Variants in HS2ST1 observed in about 807,000 individuals in gnomAD.
The protein encoded by HS2ST1 is heparan sulfate 2-O-sulfotransferase 1, also known as 2-O-sulfotransferase.
In HS2ST1, 18 loss-of-function variants were observed where a neutral mutation model predicts 42.9. The observed-to-expected ratio is 0.42, with a 90% CI of 0.29 to 0.62. The LOEUF (loss-of-function observed/expected upper bound fraction) is 0.62, where lower values mean the gene tolerates loss of function less well. Ranked by LOEUF, HS2ST1 falls within the 20% of genes least tolerant of loss-of-function variation. HS2ST1 has a pLI of 0.21. For synonymous variants in HS2ST1, 146 were observed against 152.9 expected (o/e 0.95, Z 0.33); for missense variants, 334 against 433.8 (o/e 0.77, Z 2.04).
chr1:86,944,030 A>G (rs1279556867), intron 1 of HS2ST1, among the ~76,000 whole-genome samples: 1 of 152,086 alleles, frequency 6.6e-6, no homozygotes, highest in Non-Finnish European at 1.5e-5. Context: ...GTCTCAAAAA[A>G]AAAAAATTCT....
intron 1 of HS2ST1, chr1:87,046,596 T>C: frequency 1.3e-6 from 2 of 1,576,620 alleles, no homozygotes; most frequent in Non-Finnish European, 1.7e-6. Flanking sequence ...CCAGTTCTGT[T>C]GGACTGGGCT....
intron 1 of HS2ST1, among the ~76,000 whole-genome samples, chr1:87,025,556 A>G (rs1196202737): frequency 1.3e-5 from 2 of 152,206 alleles, no homozygotes; most frequent in Admixed American, 1.3e-4. Context: ...TGTGTAGAAT[A>G]TCTCATATTT....
chr1:86,978,493 C>G (rs960830019), intron 1 of HS2ST1, among the ~76,000 whole-genome samples: 1 of 152,120 alleles, frequency 6.6e-6, no homozygotes, highest in Non-Finnish European at 1.5e-5. Context: ...GTTTTGAAAT[C>G]CTTAATAAAT....
chr1:86,989,213 G>GT (rs1339797031), intron 1 of HS2ST1, among the ~76,000 whole-genome samples: 1 of 152,206 alleles, frequency 6.6e-6, no homozygotes, highest in Non-Finnish European at 1.5e-5. Context: ...CTTAGCTATG[G>GT]TTTTTTAACT....
intron 1 of HS2ST1, among the ~76,000 whole-genome samples, chr1:86,918,443 A>G (rs895488152): frequency 2.0e-5 from 3 of 152,128 alleles, no homozygotes; most frequent in South Asian, 2.1e-4. Flanking sequence ...CTAGTAACGG[A>G]CATTCAGTTT....
At chr1:87,057,055 A>G (rs771846706) in intron 1 of HS2ST1, among the ~76,000 whole-genome samples, 7 of 152,244 alleles carry the variant, frequency 4.6e-5, no homozygotes, top group Non-Finnish European at 1.0e-4. Flanking sequence ...AGAAGCAGAT[A>G]TGAAAATCCA....
intron 1 of HS2ST1, among the ~76,000 whole-genome samples, chr1:86,990,373 C>T (rs922158406): frequency 2.0e-5 from 3 of 152,126 alleles, no homozygotes; most frequent in African/African-American, 7.2e-5. Flanking sequence ...AGGTAGAGTA[C>T]TCAGTTCTTC....
In HS2ST1 at chr1:86,914,895, G is replaced by T; in HGVS notation, c.-142G>T. 1.0e-6 allele frequency: 1 copy of T among 968,070 alleles called. No individual in the cohort carries two copies. The highest frequency in any genetic ancestry group is 1.5e-6 in the Non-Finnish European group (1 of 648,942). 60.0% of individuals were successfully genotyped at this position (968,070 alleles called of 1,614,324 possible). Reference sequence around the variant, plus strand: ...GAGGGGGACTGGAGAGGCGAGAAGGGGGGTCGCTGCGGTGGTTCTCTCGCT... The same window carrying T: ...GAGGGGGACTGGAGAGGCGAGAAGGTGGGTCGCTGCGGTGGTTCTCTCGCT... On this transcript the variant is annotated 5_prime_UTR_variant, in exon 1 of 7. Transcript: ENST00000370550.
chr1:87,082,353 C>T (rs1651715542), intron 2 of HS2ST1, among the ~76,000 whole-genome samples: 1 of 152,212 alleles, frequency 6.6e-6, no homozygotes, highest in Non-Finnish European at 1.5e-5. Context: ...CCACGTCTTT[C>T]ACTACAGTAT....
At chr1:87,044,440 C>T (rs1650595590) in intron 1 of HS2ST1, among the ~76,000 whole-genome samples, 1 of 152,110 alleles carries the variant, frequency 6.6e-6, no homozygotes, top group South Asian at 2.1e-4. Context: ...CATTGTTTTA[C>T]ATTAATATAC....
intron 1 of HS2ST1, among the ~76,000 whole-genome samples, chr1:86,996,732 G>A (rs1281641738): frequency 6.6e-6 from 1 of 152,026 alleles, no homozygotes; most frequent in Non-Finnish European, 1.5e-5. Flanking sequence ...CCATAGACTT[G>A]GGATATTAAA....
chr1:86,922,740 C>G (rs1660326607), intron 1 of HS2ST1, among the ~76,000 whole-genome samples: 1 of 151,862 alleles, frequency 6.6e-6, no homozygotes, highest in Non-Finnish European at 1.5e-5. Context: ...TTTATTTTTC[C>G]TCTTTTGCCT....
At chr1:86,957,217 A>T (rs1177961584) in intron 1 of HS2ST1, among the ~76,000 whole-genome samples, 1 of 152,216 alleles carries the variant, frequency 6.6e-6, no homozygotes, top group Non-Finnish European at 1.5e-5. Context: ...AAATGATTGA[A>T]AAAGAATTTC....
At chr1:86,958,043 C>T (rs570436943) in intron 1 of HS2ST1, among the ~76,000 whole-genome samples, 10 of 152,240 alleles carry the variant, frequency 6.6e-5, no homozygotes, top group South Asian at 2.1e-4. Flanking sequence ...CCACCCGCCT[C>T]GGCCTCCCAA....
chr1:86,914,924 GCTCT>G lies in HS2ST1; in HGVS notation c.-108_-105del. 1.5e-6 allele frequency: 2 copies of G among 1,341,462 alleles called. No individual in the cohort carries two copies. The highest frequency in any genetic ancestry group is 1.5e-5 in the African/African-American group (1 of 68,444). 83.1% of individuals were successfully genotyped at this position (1,341,462 alleles called of 1,614,324 possible). On this transcript the variant is annotated 5_prime_UTR_variant, in exon 1 of 7. Transcript: ENST00000370550. Reference sequence around the variant, plus strand: ...TCGCTGCGGTGGTTCTCTCGCTGTCGCTCTCTCTTTGCCTCGCTCCCGGCTCGGC... The same window carrying G: ...TCGCTGCGGTGGTTCTCTCGCTGTCGCTCTTTGCCTCGCTCCCGGCTCGGC...
Position 86,971,318 on chromosome 1 carries a change from A to C in HS2ST1, c.124+56158A>C, listed in dbSNP as rs75357942. 3.4e-3 allele frequency among the ~76,000 whole-genome samples: 520 copies of C among 152,046 alleles called. 3 individuals carry two copies. Among genetic ancestry groups the C allele is most frequent in the African/African-American group, 0.011 (468 of 41,456 alleles). ...CAAAACAAAACAAAACAAAACAAAA[A>C]AAAACCTTGGCGGTTTAGTTATTTC... On this transcript the variant is annotated intron_variant, in intron 1 of 6. Transcript: ENST00000370550.
chr1:87,075,742 C>T (rs1476906928), intron 2 of HS2ST1, among the ~76,000 whole-genome samples: 1 of 152,112 alleles, frequency 6.6e-6, no homozygotes, highest in Non-Finnish European at 1.5e-5. Flanking sequence ...TTGTTCTAAA[C>T]TGTTTACCTG....
At chr1:86,929,375 A>G (rs1219246446) in intron 1 of HS2ST1, among the ~76,000 whole-genome samples, 1 of 151,798 alleles carries the variant, frequency 6.6e-6, no homozygotes, top group Admixed American at 6.6e-5. Flanking sequence ...TGAGTTATAG[A>G]TTTGACATTC....
chr1:86,932,741 CAGG>C (rs1363208047), intron 1 of HS2ST1, among the ~76,000 whole-genome samples: 5 of 152,072 alleles, frequency 3.3e-5, no homozygotes, highest in Non-Finnish European at 7.4e-5. Flanking sequence ...CAGAAGAAGG[CAGG>C]AGAAGTACAG....
Sources: allele counts gnomAD v4.1 joint callset (sites outside exome capture counted in the v4.1 genomes callset), GRCh38; gene constraint gnomAD v4.1.1; transcripts MANE v1.5; gene names NCBI Gene and HGNC (gene_info 2026-07-23, HGNC 2026-07-21).